Variants in UGGT2 observed in about 807,000 individuals in gnomAD.
UGGT2 encodes the protein UDP-glucose glycoprotein glucosyltransferase 2.
In UGGT2, 180 loss-of-function variants were observed where a neutral mutation model predicts 192.1. That is an observed-to-expected ratio of 0.94 (90% CI 0.83 to 1.06). The LOEUF (loss-of-function observed/expected upper bound fraction) is 1.06, where lower values mean the gene tolerates loss of function less well. Ranked by LOEUF, UGGT2 falls within the 50% of genes least tolerant of loss-of-function variation. The pLI is 0.00. For synonymous variants in UGGT2, 580 were observed against 591.0 expected, an observed-to-expected ratio of 0.98 and a Z score of 0.27; for missense variants, 1,849 against 1,795.7, an observed-to-expected ratio of 1.03 and a Z score of -0.54.
At chr13:95,820,580 T>C (rs938742670) in intron 38 of UGGT2, among the ~76,000 whole-genome samples, 1 of 152,224 alleles carries the variant, frequency 6.6e-6, no homozygotes, top group African/African-American at 2.4e-5. Flanking sequence ...TAATAGGTCA[T>C]GACCAAGTGA....
At chr13:95,988,766 C>A (rs2051369320) in intron 8 of UGGT2, among the ~76,000 whole-genome samples, 1 of 151,970 alleles carries the variant, frequency 6.6e-6, no homozygotes, top group Non-Finnish European at 1.5e-5. Flanking sequence ...ATGTAACATT[C>A]AATATTCTGT....
At chr13:95,911,259 G>C (rs2048486507) in intron 20 of UGGT2, among the ~76,000 whole-genome samples, 1 of 152,134 alleles carries the variant, frequency 6.6e-6, no homozygotes, top group South Asian at 2.1e-4. Flanking sequence ...GAAGGAGATA[G>C]AGACATAAAA....
Position 95,877,758 on chromosome 13 carries a change from C to T in UGGT2, c.3327G>A (p.Gln1109=). ...KVTEQPPRGL[Q]FTLGTKNKPA... is the part of the protein sequence containing the mutation. ...GTTTATTTTTTGTGCCTAGTGTGAA[C>T]TGCAGACCCCGAGGAGGCTGTTCTG... Residue 1109 remains glutamine, a synonymous_variant, in exon 28 of 39, where the codon CAG becomes CAA. Coordinates refer to ENST00000376747, the MANE Select transcript of UGGT2 (RefSeq NM_020121.4). 1.2e-6 allele frequency: 2 copies of T among 1,614,040 alleles called. No individual in the cohort carries two copies. Among genetic ancestry groups the T allele is most frequent in the Non-Finnish European group, 1.7e-6 (2 of 1,179,980 alleles).
chr13:95,890,998 T>A, intron 24 of UGGT2, 34 bp from the exon 25 acceptor site: 1 of 1,482,360 alleles, frequency 6.7e-7, no homozygotes, highest in Non-Finnish European at 9.3e-7. Context: ...AAAGATGACG[T>A]GTTAAGTTTA....
At chr13:95,918,163 A>G (rs2048736439) in intron 20 of UGGT2, among the ~76,000 whole-genome samples, 1 of 152,208 alleles carries the variant, frequency 6.6e-6, no homozygotes, top group African/African-American at 2.4e-5. Context: ...GCAAATGCAA[A>G]ATAAGTGAAA....
chr13:95,981,960 T>C (rs1297631088), intron 10 of UGGT2, among the ~76,000 whole-genome samples: 1 of 152,224 alleles, frequency 6.6e-6, no homozygotes, highest in Non-Finnish European at 1.5e-5. Flanking sequence ...TCTTTCTCTT[T>C]TCAGTGTTCT....
chr13:95,903,416 A>C (rs1594277744), intron 20 of UGGT2, among the ~76,000 whole-genome samples: 2 of 152,166 alleles, frequency 1.3e-5, no homozygotes, highest in East Asian at 3.9e-4. Context: ...GCAACTCCAA[A>C]AAGATTCCGC....
intron 20 of UGGT2, among the ~76,000 whole-genome samples, chr13:95,909,820 A>AAAAC (rs61000586): frequency 1.4e-5 from 2 of 147,752 alleles, no homozygotes. Context: ...AAAAAAAAAA[A>AAAAC]CTGTTAAGGG....
intron 20 of UGGT2, among the ~76,000 whole-genome samples, chr13:95,905,218 T>C (rs1237886397): frequency 6.6e-6 from 1 of 150,932 alleles, no homozygotes; most frequent in East Asian, 2.0e-4. Flanking sequence ...ATGAGTAGGT[T>C]GTGGAAATTT....
In UGGT2 at chr13:95,895,050, T is replaced by C; in HGVS notation, c.2759+130A>G. 4 of 930,234 alleles carry C rather than the reference T, an allele frequency of 4.3e-6. 1 individual carries two copies. The highest frequency in any genetic ancestry group is 6.1e-6 in the Non-Finnish European group (4 of 656,254). 57.6% of individuals were successfully genotyped at this position (930,234 alleles called of 1,614,324 possible). ...AAATGGATGCCTTTTATTATTTGCTTATATTCTTTATATATGTCTTTTATT... is the reference window on the plus strand; with the variant it reads ...AAATGGATGCCTTTTATTATTTGCTCATATTCTTTATATATGTCTTTTATT... On this transcript the variant is annotated intron_variant, in intron 23 of 38. Coordinates refer to ENST00000376747, the MANE Select transcript of UGGT2 (RefSeq NM_020121.4).
At chr13:95,892,399 A>C (rs1594249118) in intron 24 of UGGT2, among the ~76,000 whole-genome samples, 1 of 152,288 alleles carries the variant, frequency 6.6e-6, no homozygotes, top group African/African-American at 2.4e-5. Flanking sequence ...ATTTAAGGTA[A>C]CAGATTTGTA....
chr13:95,805,285 C>G (rs578127315), intron 38 of UGGT2, among the ~76,000 whole-genome samples: 1 of 150,632 alleles, frequency 6.6e-6, no homozygotes, highest in East Asian at 2.0e-4. Flanking sequence ...AAAAAAAACC[C>G]AGAAAATAAG....
chr13:96,018,794 G>C (rs1272734378), intron 4 of UGGT2, among the ~76,000 whole-genome samples: 1 of 143,740 alleles, frequency 7.0e-6, no homozygotes, highest in Non-Finnish European at 1.5e-5. Context: ...ACCACAGACA[G>C]AAGAAAATAC....
intron 25 of UGGT2, among the ~76,000 whole-genome samples, chr13:95,889,826 C>G (rs17189895): frequency 0.37 from 55,491 of 152,028 alleles, 10,455 homozygotes; most frequent in Middle Eastern, 0.42. Flanking sequence ...AGCCAGCCTG[C>G]GGACATTCTG....
Position 96,013,423 on chromosome 13 carries a change from G to GT in UGGT2, c.543dup (p.Pro182ThrfsTer12). The GT allele has an allele frequency of 6.2e-7, 1 of 1,606,122 alleles. No individual in the cohort carries two copies. The highest frequency in any genetic ancestry group is 8.5e-7 in the Non-Finnish European group (1 of 1,177,424). ...ATTTCGGCATAGAGAATCACCACTGGTAAGTTCTCTTTGTTTGTAGGAAAT... is the reference window on the plus strand; with the variant it reads ...ATTTCGGCATAGAGAATCACCACTGGTTAAGTTCTCTTTGTTTGTAGGAAAT... On this transcript the variant is annotated frameshift_variant, in exon 5 of 39. Transcript: ENST00000376747. LOFTEE classifies it high-confidence loss of function.
chr13:95,981,756 G>A (rs1048906377), intron 10 of UGGT2, among the ~76,000 whole-genome samples: 2 of 152,274 alleles, frequency 1.3e-5, no homozygotes, highest in East Asian at 1.9e-4. Flanking sequence ...TGTCCAATCC[G>A]TGTGCAATGC....
intron 38 of UGGT2, among the ~76,000 whole-genome samples, chr13:95,802,849 T>G (rs992715761): frequency 7.0e-6 from 1 of 143,660 alleles, no homozygotes; most frequent in African/African-American, 2.6e-5. Flanking sequence ...TTGTTTGTTT[T>G]TTGAGACGGA....
chr13:95,919,339 T>C (rs184585498), intron 20 of UGGT2, among the ~76,000 whole-genome samples: 1 of 152,288 alleles, frequency 6.6e-6, no homozygotes, highest in African/African-American at 2.4e-5. Flanking sequence ...ACCACTCCTA[T>C]TCAACACAGT....
chr13:96,047,451 C>T (rs1304911016), intron 1 of UGGT2, among the ~76,000 whole-genome samples: 2 of 152,186 alleles, frequency 1.3e-5, no homozygotes, highest in Non-Finnish European at 2.9e-5. Context: ...AGGACATCCA[C>T]ACCAAAATCC....
Sources: allele counts gnomAD v4.1 joint callset (sites outside exome capture counted in the v4.1 genomes callset), GRCh38; gene constraint gnomAD v4.1.1; transcripts MANE v1.5; gene names NCBI Gene and HGNC (gene_info 2026-07-23, HGNC 2026-07-21).